The following GAS2 variants were observed in gnomAD, a reference collection of about 807,000 sequenced individuals.
GAS2 encodes the protein growth arrest-specific protein 2.
A neutral mutation model predicts 37.5 loss-of-function variants in GAS2; 20 were observed. The observed-to-expected ratio is 0.53, with a 90% CI of 0.37 to 0.77. The LOEUF (loss-of-function observed/expected upper bound fraction) is 0.77. Ranked by LOEUF, GAS2 falls within the 30% of genes least tolerant of loss-of-function variation. The pLI, the probability that GAS2 is intolerant of heterozygous loss-of-function variation, is 0.00. For synonymous variants in GAS2, 144 were observed against 132.2 expected (o/e 1.09, Z -0.61); for missense variants, 336 against 373.4 (o/e 0.90, Z 0.82).
chr11:22,742,019 T>C (rs1469054761), intron 5 of GAS2, among the ~76,000 whole-genome samples: 1 of 152,052 alleles, frequency 6.6e-6, no homozygotes, highest in Non-Finnish European at 1.5e-5. Context: ...TAATTTTACC[T>C]AGAGCTCAAA....
chr11:22,748,813 G>C (rs1247297115), intron 5 of GAS2, among the ~76,000 whole-genome samples: 1 of 152,014 alleles, frequency 6.6e-6, no homozygotes, highest in Non-Finnish European at 1.5e-5. Context: ...GAATGCTGAA[G>C]ACCAAATTTA....
At chr11:22,744,902 G>A (rs1853296217) in intron 5 of GAS2, among the ~76,000 whole-genome samples, 1 of 151,712 alleles carries the variant, frequency 6.6e-6, no homozygotes, top group Non-Finnish European at 1.5e-5. Context: ...AAAACACCTA[G>A]GAATACATCT....
At chr11:22,793,353 T>A (rs1424508386) in intron 7 of GAS2, among the ~76,000 whole-genome samples, 1 of 152,118 alleles carries the variant, frequency 6.6e-6, no homozygotes, top group African/African-American at 2.4e-5. Flanking sequence ...GTATAGATAA[T>A]GAAATTGGTT....
intron 3 of GAS2, among the ~76,000 whole-genome samples, chr11:22,715,479 A>AAAAAAAAAAAAG (rs1554973679): frequency 1.4e-5 from 2 of 145,790 alleles, no homozygotes; most frequent in Non-Finnish European, 3.0e-5. Context: ...AAAAAAAAAA[A>AAAAAAAAAAAAG]AAAAGAAAAG....
chr11:22,711,164 G>T (rs1350073058), intron 3 of GAS2, among the ~76,000 whole-genome samples: 2 of 152,134 alleles, frequency 1.3e-5, no homozygotes, highest in African/African-American at 4.8e-5. Flanking sequence ...GTGTGAGGGG[G>T]GAAAAGTCAC....
chr11:22,699,419 G>T (rs866696647), intron 3 of GAS2, among the ~76,000 whole-genome samples: 8 of 152,042 alleles, frequency 5.3e-5, no homozygotes, highest in African/African-American at 1.7e-4. Flanking sequence ...TGAATTTACT[G>T]CCAAAAGAAT....
chr11:22,635,445 C>T (rs1005976909), intron 1 of GAS2, among the ~76,000 whole-genome samples: 12 of 152,234 alleles, frequency 7.9e-5, no homozygotes, highest in African/African-American at 2.9e-4. Context: ...AGGCACATCT[C>T]ACACCTGCAG....
At chr11:22,798,873 G>A (rs1023154201) in intron 7 of GAS2, among the ~76,000 whole-genome samples, 4 of 152,064 alleles carry the variant, frequency 2.6e-5, no homozygotes, top group Non-Finnish European at 4.4e-5. Context: ...ACCTCAGGGA[G>A]ATAGCTGAAT....
intron 1 of GAS2, among the ~76,000 whole-genome samples, chr11:22,651,337 A>T (rs946428095): frequency 1.3e-5 from 2 of 152,178 alleles, no homozygotes; most frequent in African/African-American, 2.4e-5. Context: ...ACTTTCGCTC[A>T]GACTGCCCTT....
intron 2 of GAS2, among the ~76,000 whole-genome samples, chr11:22,682,828 T>C (rs976520530): frequency 8.0e-6 from 1 of 125,594 alleles, no homozygotes; most frequent in African/African-American, 3.0e-5. Flanking sequence ...CCTGACGAGA[T>C]CGCACCACTG....
chr11:22,810,320 C>T (rs148411534), intron 7 of GAS2, among the ~76,000 whole-genome samples: 76 of 146,798 alleles, frequency 5.2e-4, no homozygotes, highest in African/African-American at 6.5e-4. Flanking sequence ...TGTCCAGATG[C>T]GGTGTTCTGG....
chr11:22,806,493 T>C (rs1410121322), intron 7 of GAS2, among the ~76,000 whole-genome samples: 1 of 152,182 alleles, frequency 6.6e-6, no homozygotes, highest in African/African-American at 2.4e-5. Context: ...GATCACATGG[T>C]ACCTTTATTT....
chr11:22,660,236 T>TA (rs1184454380), intron 1 of GAS2, among the ~76,000 whole-genome samples: 30 of 152,246 alleles, frequency 2.0e-4, no homozygotes, highest in African/African-American at 7.0e-4. Flanking sequence ...AGCCACTGGA[T>TA]GTCTAAAGAG....
At chr11:22,800,372 G>A (rs1856609577) in intron 7 of GAS2, among the ~76,000 whole-genome samples, 1 of 152,032 alleles carries the variant, frequency 6.6e-6, no homozygotes, top group African/African-American at 2.4e-5. Context: ...TTTACTGTAA[G>A]TCATATTTCT....
At chr11:22,650,833 C>T (rs1848765915) in intron 1 of GAS2, among the ~76,000 whole-genome samples, 1 of 152,050 alleles carries the variant, frequency 6.6e-6, no homozygotes, top group East Asian at 1.9e-4. Flanking sequence ...AGATGGGTTT[C>T]CTGAATACAG....
At chr11:22,726,477 T>C in intron 4 of GAS2, 44 bp downstream of exon 4, 3 of 1,561,396 alleles carry the variant, frequency 1.9e-6, no homozygotes, top group Non-Finnish European at 2.6e-6. Context: ...ATACGCAAAT[T>C]ATCTTTTGTC....
At chr11:22,799,867 G>A (rs951952126) in intron 7 of GAS2, among the ~76,000 whole-genome samples, 3 of 151,982 alleles carry the variant, frequency 2.0e-5, no homozygotes, top group African/African-American at 4.8e-5. Flanking sequence ...GGCACCCAGG[G>A]TATGAAATTT....
intron 1 of GAS2, among the ~76,000 whole-genome samples, chr11:22,650,802 C>T (rs1345569981): frequency 6.6e-6 from 1 of 152,090 alleles, no homozygotes; most frequent in Non-Finnish European, 1.5e-5. Context: ...TATTTTGAGC[C>T]TATGTGTGTC....
rs1398039843 is a variant in GAS2 at position 22,706,485 on chromosome 11, TC to T, written c.268-19801del. Among the ~76,000 whole-genome samples, 14 of 149,984 alleles carry T rather than the reference TC, an allele frequency of 9.3e-5. No homozygotes were observed. In the South Asian group the frequency reaches 1.7e-3, roughly 18 times the overall value. On this transcript the variant is annotated intron_variant, in intron 3 of 7. Transcript: ENST00000454584. ...ATCTCCCAATGCTATCCCTCCCCGC[TC>T]CCCCCACCCCACAACAGTCCCCGGA...
Sources: gnomAD v4.1 joint callset for allele counts (sites outside exome capture counted in the v4.1 genomes callset) on GRCh38, gnomAD v4.1.1 for gene constraint, MANE v1.5 for transcripts, NCBI Gene and HGNC (gene_info 2026-07-23, HGNC 2026-07-21) for gene names.